PCDH15: variants seen among roughly 807,000 people sequenced by gnomAD.
The protein encoded by PCDH15 is protocadherin-15.
A neutral mutation model predicts 178.5 loss-of-function variants in PCDH15; 129 were observed. That is an observed-to-expected ratio of 0.72 (90% CI 0.63 to 0.84). The LOEUF (loss-of-function observed/expected upper bound fraction) is 0.84. PCDH15 is among the 40% of genes least tolerant of loss of function. The pLI is 0.00. For missense variants in PCDH15, 2,230 were observed against 2,099.9 expected, an observed-to-expected ratio of 1.06 and a Z score of -1.21; for synonymous variants, 800 against 732.0, an observed-to-expected ratio of 1.09 and a Z score of -1.50.
At chr10:55,587,077 C>T (rs1842739276) in intron 2 of PCDH15, among the ~76,000 whole-genome samples, 1 of 152,018 alleles carries the variant, frequency 6.6e-6, no homozygotes, top group Non-Finnish European at 1.5e-5. Flanking sequence ...TGAATGTTCT[C>T]TCAAAGATAA....
Position 54,059,988 on chromosome 10 carries a change from G to A in PCDH15, c.2220+6769C>T, listed in dbSNP as rs147189530. On this transcript the variant is annotated intron_variant, in intron 18 of 37. Coordinates refer to ENST00000644397, the MANE Select transcript of PCDH15 (RefSeq NM_001384140.1). ...AATGCAAGCTCCACATATCCCACTA[G>A]CTGGACTTATTTTAAGATGAATAAA... is the stretch of plus-strand genomic sequence containing the variant. Among the ~76,000 whole-genome samples, 323 of 152,264 alleles carry A rather than the reference G, an allele frequency of 2.1e-3. 1 individual carries two copies. The highest frequency in any genetic ancestry group is 3.3e-3 in the Non-Finnish European group (225 of 68,026).
rs141378343 is a variant in PCDH15 at position 55,055,848 on chromosome 10, A to T, written c.-80+110728T>A. On this transcript the variant is annotated intron_variant, in intron 2 of 5. Transcript: ENST00000458638. ...AAAAAAGAAAAGAAAGAAAGAAAGG[A>T]GGGTGGCTCAGAAATAAAATATAGA... Among the ~76,000 whole-genome samples the T allele has an allele frequency of 4.6e-5, 7 of 152,156 alleles. No homozygotes were observed. In the East Asian group the frequency reaches 1.4e-3, roughly 29 times the overall value.
chr10:54,570,773 C>G (rs1218592570), intron 2 of PCDH15, among the ~76,000 whole-genome samples: 3 of 152,014 alleles, frequency 2.0e-5, no homozygotes. Flanking sequence ...CTGCCTCAGC[C>G]TCCTGAGTAG....
chr10:55,243,729 G>C (rs2132215301), intron 1 of PCDH15, among the ~76,000 whole-genome samples: 1 of 152,284 alleles, frequency 6.6e-6, no homozygotes, highest in South Asian at 2.1e-4. Context: ...CCCAGAAACA[G>C]TCTCTCTAAA....
intron 1 of PCDH15, among the ~76,000 whole-genome samples, chr10:54,733,555 T>C (rs749125912): frequency 6.6e-6 from 1 of 151,650 alleles, no homozygotes; most frequent in Non-Finnish European, 1.5e-5. Flanking sequence ...ATTCTATACA[T>C]TTCCAATTGA....
At chr10:54,684,342 A>C (rs2094955730) in intron 1 of PCDH15, among the ~76,000 whole-genome samples, 1 of 151,870 alleles carries the variant, frequency 6.6e-6, no homozygotes, top group Non-Finnish European at 1.5e-5. Flanking sequence ...AATCATATTT[A>C]TAAACTAAAA....
At position 55,503,776 on chromosome 10, in the gene PCDH15, T is replaced by C. The variant is rs970524897; in HGVS notation, c.-156+123849A>G. ...AATCCAGAACACTGAAAACACCAAA[T>C]CTTGTCAAGGAGTAAAAGGAATTAT... On this transcript the variant is annotated intron_variant, in intron 2 of 5. Transcript: ENST00000613346. Among the ~76,000 whole-genome samples the C allele has an allele frequency of 4.0e-5, 6 of 151,308 alleles. No homozygotes were observed. In the Admixed American group the frequency reaches 4.0e-4, roughly 10 times the overall value.
intron 29 of PCDH15, among the ~76,000 whole-genome samples, chr10:53,833,788 A>G: frequency 6.6e-6 from 1 of 152,050 alleles, no homozygotes; most frequent in South Asian, 2.1e-4. Flanking sequence ...TCCTATAAAT[A>G]TATTTTGATC....
chr10:55,319,010 T>G (rs1312920215), intron 1 of PCDH15, among the ~76,000 whole-genome samples: 1 of 151,722 alleles, frequency 6.6e-6, no homozygotes, highest in Admixed American at 6.6e-5. Flanking sequence ...TTGGAGTTAT[T>G]ATGTCCATAT....
chr10:55,569,431 A>AAAGTGTTC (rs1842364589), intron 2 of PCDH15, among the ~76,000 whole-genome samples: 1 of 152,020 alleles, frequency 6.6e-6, no homozygotes, highest in South Asian at 2.1e-4. Context: ...TTCTAGGACA[A>AAAGTGTTC]CAAAGGGCAA....
chr10:55,014,723 A>C (rs1473851485), intron 2 of PCDH15, among the ~76,000 whole-genome samples: 2 of 152,196 alleles, frequency 1.3e-5, no homozygotes, highest in Non-Finnish European at 2.9e-5. Context: ...TCTTTAGACT[A>C]CTCTGATCAG....
intron 17 of PCDH15, among the ~76,000 whole-genome samples, chr10:54,072,162 A>T (rs753295593): frequency 6.6e-6 from 1 of 152,150 alleles, no homozygotes; most frequent in Non-Finnish European, 1.5e-5. Context: ...CTTCACTACT[A>T]TATCTAAAAT....
intron 13 of PCDH15, among the ~76,000 whole-genome samples, chr10:54,159,586 T>C (rs1030447732): frequency 6.6e-6 from 1 of 152,188 alleles, no homozygotes; most frequent in South Asian, 2.1e-4. Flanking sequence ...TAAAATAGTT[T>C]TGATGCTTAA....
At chr10:54,241,572 A>T (rs965653862) in intron 8 of PCDH15, among the ~76,000 whole-genome samples, 1 of 152,234 alleles carries the variant, frequency 6.6e-6, no homozygotes. Flanking sequence ...GTTCTTTTAT[A>T]CTTTGCCTCT....
chr10:54,929,473 A>G (rs1837713661), intron 2 of PCDH15, among the ~76,000 whole-genome samples: 1 of 152,170 alleles, frequency 6.6e-6, no homozygotes, highest in Admixed American at 6.6e-5. Flanking sequence ...AGATTTTGGT[A>G]TAGACATTAC....
chr10:54,140,484 T>C (rs963102476), intron 14 of PCDH15, among the ~76,000 whole-genome samples: 1 of 151,814 alleles, frequency 6.6e-6, no homozygotes, highest in Admixed American at 6.6e-5. Context: ...TTTTTTTTTT[T>C]CTTGAGACAG....
intron 14 of PCDH15, among the ~76,000 whole-genome samples, chr10:54,151,032 G>C (rs932550230): frequency 6.6e-6 from 1 of 152,078 alleles, no homozygotes; most frequent in African/African-American, 2.4e-5. Flanking sequence ...AGTCATTACT[G>C]TCCTCATATA....
In PCDH15 at chr10:55,084,726, A is replaced by T. The variant is rs1182062453; in HGVS notation, c.-80+81850T>A. Among the ~76,000 whole-genome samples the T allele has an allele frequency of 2.6e-5, 4 of 152,062 alleles. No homozygotes were observed. In the East Asian group the frequency reaches 7.7e-4, roughly 29 times the overall value. On this transcript the variant is annotated intron_variant, in intron 2 of 5. Coordinates refer to the PCDH15 transcript ENST00000458638. ...ATATAAGGAGCTCAAACAATTATAT[A>T]GGAAAAAAATCTAACAATCTGATTA...
At chr10:55,533,018 T>C (rs1841487889) in intron 2 of PCDH15, among the ~76,000 whole-genome samples, 2 of 151,794 alleles carry the variant, frequency 1.3e-5, no homozygotes, top group Admixed American at 1.3e-4. Flanking sequence ...TCTCCTTCTT[T>C]GTCAGTCACT....
Sources: allele counts gnomAD v4.1 joint callset (sites outside exome capture counted in the v4.1 genomes callset), GRCh38; gene constraint gnomAD v4.1.1; transcripts MANE v1.5; gene names NCBI Gene and HGNC (gene_info 2026-07-23, HGNC 2026-07-21).